SHB: variants seen among roughly 807,000 people sequenced by gnomAD.
SHB encodes SH2 domain containing adaptor protein B.
Under a neutral mutation model 52.3 loss-of-function variants are expected in SHB, and 20 were observed. That is an observed-to-expected ratio of 0.38 (90% CI 0.27 to 0.56). The LOEUF is 0.56. Among genes scored for constraint, SHB ranks in the 20% least tolerant of loss-of-function variants. The pLI is 0.71. For missense variants in SHB, 825 were observed against 723.3 expected (o/e 1.14, Z -1.61); for synonymous variants, 397 against 316.5 (o/e 1.25, Z -2.70).
chr9:38,048,818 G>A (rs529401902), intron 1 of SHB, among the ~76,000 whole-genome samples: 1 of 152,198 alleles, frequency 6.6e-6, no homozygotes, highest in East Asian at 1.9e-4. Flanking sequence ...CCAGTTTTTG[G>A]TTTTGCCAAA....
At chr9:37,971,532 G>T (rs1024122177) in intron 3 of SHB, among the ~76,000 whole-genome samples, 24 of 152,144 alleles carry the variant, frequency 1.6e-4, no homozygotes, top group African/African-American at 5.6e-4. Flanking sequence ...GAGTGAGATG[G>T]CCTCCTCCTT....
At chr9:38,064,086 GTCA>G (rs1213207909) in intron 1 of SHB, among the ~76,000 whole-genome samples, 1 of 151,166 alleles carries the variant, frequency 6.6e-6, no homozygotes, top group African/African-American at 2.4e-5. Context: ...GGCCTCTTTT[GTCA>G]TCATTTTTTT....
rs567500725 is a variant in SHB at position 37,940,974 on chromosome 9, C to T, written c.1346+7661G>A. ...GCAACTAGGAGGTCAGAGAAGTTCA[C>T]TCATTCATCCAAGGTCACACCAAAG... On this transcript the variant is annotated intron_variant, in intron 5 of 5. Transcript: ENST00000377707. 8.0e-4 allele frequency among the ~76,000 whole-genome samples: 122 copies of T among 152,322 alleles called. 3 individuals are homozygous for T. Among genetic ancestry groups the T allele is most frequent in the African/African-American group, 2.7e-3 (111 of 41,574 alleles).
chr9:38,036,635 C>A (rs773656300), intron 1 of SHB, among the ~76,000 whole-genome samples: 18 of 152,214 alleles, frequency 1.2e-4, no homozygotes, highest in Non-Finnish European at 2.5e-4. Flanking sequence ...CTAGCAGGAG[C>A]TCTGCTAGTG....
In SHB at chr9:38,047,358, G is replaced by GC. The variant is rs553015836; in HGVS notation, c.717+20570dup. ...CTAATCACTTCAGGCACAAGGCTGAGCTATTTTCTAGTTGCAGCGGTCCAA... is the reference window on the plus strand; with the variant it reads ...CTAATCACTTCAGGCACAAGGCTGAGCCTATTTTCTAGTTGCAGCGGTCCAA... On this transcript the variant is annotated intron_variant, in intron 1 of 5. Coordinates refer to ENST00000377707, the MANE Select transcript of SHB (RefSeq NM_003028.3). Among the ~76,000 whole-genome samples the GC allele has an allele frequency of 4.9e-3, 749 of 152,352 alleles. 9 individuals are homozygous for GC. The highest frequency in any genetic ancestry group is 0.017 in the African/African-American group (702 of 41,574).
intron 2 of SHB, among the ~76,000 whole-genome samples, chr9:38,003,434 C>G (rs144475517): frequency 3.9e-5 from 6 of 151,928 alleles, no homozygotes; most frequent in Non-Finnish European, 5.9e-5. Flanking sequence ...CAGAATGGGC[C>G]ACATCCTCCC....
intron 3 of SHB, among the ~76,000 whole-genome samples, chr9:37,973,582 G>A (rs565050741): frequency 7.2e-4 from 109 of 152,350 alleles, no homozygotes; most frequent in Non-Finnish European, 1.4e-3. Flanking sequence ...AGAATAAAAA[G>A]GTGTTAGCTT....
intron 5 of SHB, among the ~76,000 whole-genome samples, chr9:37,926,760 T>C (rs1271959955): frequency 6.6e-6 from 1 of 152,160 alleles, no homozygotes; most frequent in Non-Finnish European, 1.5e-5. Flanking sequence ...AAGCCAACAA[T>C]CCCAAATGCA....
chr9:38,039,911 G>A (rs114230029), intron 1 of SHB, among the ~76,000 whole-genome samples: 451 of 152,336 alleles, frequency 3.0e-3, no homozygotes, highest in African/African-American at 0.01. Context: ...CCCATGCCCT[G>A]CCCTCCATGA....
At chr9:37,982,650 T>A (rs1587227757) in intron 2 of SHB, among the ~76,000 whole-genome samples, 1 of 139,468 alleles carries the variant, frequency 7.2e-6, no homozygotes, top group Non-Finnish European at 1.6e-5. Context: ...AAAAAAAAAA[T>A]TAGCCAGGTG....
intron 1 of SHB, among the ~76,000 whole-genome samples, chr9:38,039,812 G>A (rs1821548035): frequency 6.6e-6 from 1 of 152,250 alleles, no homozygotes; most frequent in Non-Finnish European, 1.5e-5. Flanking sequence ...TGGTCCAGTA[G>A]GCCACAGGCC....
rs2118445826 is a variant in SHB, at chr9:37,919,144, CTA to C, written c.*675_*676del. The C allele has an allele frequency of 6.5e-6, 1 of 152,768 alleles. No homozygotes were observed. Among genetic ancestry groups the C allele is most frequent in the South Asian group, 2.1e-4 (1 of 4,826 alleles). The allele number at this position is 152,768 out of a possible 1,614,324, so 9.5% of individuals were successfully genotyped here. On this transcript the variant is annotated 3_prime_UTR_variant, in exon 6 of 6. Coordinates refer to ENST00000377707, the MANE Select transcript of SHB (RefSeq NM_003028.3). ...AAGGATAAGGCTATATATTAAATGACTATTTTATTTACACACCCTATTCATAA... is the reference window on the plus strand; with the variant it reads ...AAGGATAAGGCTATATATTAAATGACTTTTATTTACACACCCTATTCATAA...
At chr9:38,046,046 A>G (rs1453780273) in intron 1 of SHB, among the ~76,000 whole-genome samples, 1 of 151,578 alleles carries the variant, frequency 6.6e-6, no homozygotes, top group Non-Finnish European at 1.5e-5. Flanking sequence ...GGCCAACATG[A>G]TGAAACCCTG....
At chr9:37,965,576 C>CCT (rs1224928051) in intron 3 of SHB, among the ~76,000 whole-genome samples, 4 of 141,418 alleles carry the variant, frequency 2.8e-5, no homozygotes, top group Non-Finnish European at 4.6e-5. Context: ...ACTCAAATAT[C>CCT]TTTTTTTTTT....
At position 38,022,492 on chromosome 9, in the gene SHB, T is replaced by C. The variant is rs184298000; in HGVS notation, c.718-6361A>G. ...TGGCTTGCCGGGAGCCCTGGCCCTC[T>C]CCCCAGCTCTGAGGGTCAGGAGGGC... On this transcript the variant is annotated intron_variant, in intron 1 of 5. Coordinates refer to ENST00000377707, the MANE Select transcript of SHB (RefSeq NM_003028.3). Among the ~76,000 whole-genome samples, 724 of 152,172 alleles carry C rather than the reference T, an allele frequency of 4.8e-3. 7 individuals are homozygous for C. Among genetic ancestry groups the C allele is most frequent in the African/African-American group, 0.017 (693 of 41,538 alleles).
chr9:37,962,296 A>G (rs1196285111), intron 3 of SHB, among the ~76,000 whole-genome samples: 3 of 152,148 alleles, frequency 2.0e-5, no homozygotes, highest in African/African-American at 7.2e-5. Context: ...CCAAGAAGAT[A>G]GGGCATTTCA....
intron 5 of SHB, among the ~76,000 whole-genome samples, chr9:37,943,882 C>T (rs896877584): frequency 2.0e-5 from 3 of 152,230 alleles, no homozygotes; most frequent in Admixed American, 1.3e-4. Flanking sequence ...AAGACTCATT[C>T]GCAGGCCAAA....
At chr9:38,044,183 A>AC (rs1464125759) in intron 1 of SHB, among the ~76,000 whole-genome samples, 4 of 152,214 alleles carry the variant, frequency 2.6e-5, no homozygotes, top group African/African-American at 9.6e-5. Flanking sequence ...TTATCTGGCA[A>AC]CTCAGTCACA....
chr9:38,030,172 C>G (rs1821395792), intron 1 of SHB, among the ~76,000 whole-genome samples: 1 of 152,212 alleles, frequency 6.6e-6, no homozygotes, highest in Non-Finnish European at 1.5e-5. Flanking sequence ...AGCTGCTGCT[C>G]CCAGTCAGAG....
Sources: allele counts gnomAD v4.1 joint callset (sites outside exome capture counted in the v4.1 genomes callset), GRCh38; gene constraint gnomAD v4.1.1; transcripts MANE v1.5; gene names NCBI Gene and HGNC (gene_info 2026-07-23, HGNC 2026-07-21).